MCF2L2: variants seen among roughly 807,000 people sequenced by gnomAD.
The protein encoded by MCF2L2 is MCF.2 cell line derived transforming sequence-like 2.
MCF2L2 carries 102 observed loss-of-function variants against 150.2 expected under a neutral mutation model. That is an observed-to-expected ratio of 0.68 (90% CI 0.58 to 0.80). The LOEUF (loss-of-function observed/expected upper bound fraction) is 0.80, where lower values mean the gene tolerates loss of function less well. MCF2L2 is among the 30% of genes least tolerant of loss of function. The probability of loss-of-function intolerance (pLI) is 0.00; values close to 1 mark genes in which losing one functional copy is unlikely to be tolerated. For missense variants in MCF2L2, 1,256 were observed against 1,372.8 expected (o/e 0.91, Z 1.34); for synonymous variants, 465 against 491.3 (o/e 0.95, Z 0.71).
At chr3:183,295,864 A>G (rs914650645) in intron 12 of MCF2L2, among the ~76,000 whole-genome samples, 1 of 152,162 alleles carries the variant, frequency 6.6e-6, no homozygotes, top group African/African-American at 2.4e-5. Context: ...AAGCTGAGGC[A>G]GGAGAATCGC....
intron 3 of MCF2L2, among the ~76,000 whole-genome samples, chr3:183,352,501 C>A (rs1454513985): frequency 2.6e-5 from 4 of 151,966 alleles, no homozygotes; most frequent in Non-Finnish European, 1.5e-5. Flanking sequence ...CCGGCCTGGG[C>A]GATAGAGAGA....
In MCF2L2 at chr3:183,205,959, A is replaced by G; in HGVS notation, c.2806-5T>C. 1 of 1,612,560 alleles carries G rather than the reference A, an allele frequency of 6.2e-7. No individual in the cohort carries two copies. The highest frequency in any genetic ancestry group is 8.5e-7 in the Non-Finnish European group (1 of 1,178,552). On this transcript the variant is annotated splice_polypyrimidine_tract_variant and splice_region_variant and intron_variant, in intron 24 of 29. Transcript: ENST00000328913. ...TCTGATTTCTTTTGAAGCTGCCTGC[A>G]ATCACACATAAGAAAACACTATAAG...
intron 3 of MCF2L2, chr3:183,375,174 C>T (rs1432808048): frequency 1.3e-5 from 2 of 152,158 alleles, no homozygotes; most frequent in African/African-American, 4.8e-5. Flanking sequence ...TCTGCCCATC[C>T]GCACATAGGC....
At chr3:183,347,708 GA>G (rs1208996087) in intron 3 of MCF2L2, among the ~76,000 whole-genome samples, 1 of 151,820 alleles carries the variant, frequency 6.6e-6, no homozygotes, top group Non-Finnish European at 1.5e-5. Flanking sequence ...AAATTTACCA[GA>G]AAAAAACAAC....
At chr3:183,404,481 T>C (rs1019610752) in intron 1 of MCF2L2, among the ~76,000 whole-genome samples, 9 of 152,208 alleles carry the variant, frequency 5.9e-5, no homozygotes, top group South Asian at 2.1e-4. Context: ...TGGGTGTAAG[T>C]TTCCCAGAAG....
chr3:183,209,559 G>C (rs907568139), intron 22 of MCF2L2, among the ~76,000 whole-genome samples: 4 of 152,084 alleles, frequency 2.6e-5, no homozygotes, highest in Non-Finnish European at 4.4e-5. Flanking sequence ...CACGACCTTG[G>C]CTCACCGCAA....
chr3:183,403,911 C>A (rs992021555), intron 1 of MCF2L2, among the ~76,000 whole-genome samples: 2 of 151,682 alleles, frequency 1.3e-5, no homozygotes, highest in African/African-American at 4.8e-5. Flanking sequence ...TTGAAACGGA[C>A]AGGGGGAAGA....
At chr3:183,250,029 C>G (rs1488787708) in intron 15 of MCF2L2, among the ~76,000 whole-genome samples, 7 of 152,042 alleles carry the variant, frequency 4.6e-5, no homozygotes, top group Admixed American at 4.6e-4. Flanking sequence ...AACTTTTTTC[C>G]CCTCCCCACA....
chr3:183,196,148 C>G (rs895054332), intron 25 of MCF2L2, among the ~76,000 whole-genome samples: 9 of 152,172 alleles, frequency 5.9e-5, no homozygotes, highest in Admixed American at 5.9e-4. Context: ...GTGTCTCACC[C>G]ATCAGTGATG....
At chr3:183,401,712 A>T (rs1714766875) in intron 1 of MCF2L2, among the ~76,000 whole-genome samples, 1 of 152,220 alleles carries the variant, frequency 6.6e-6, no homozygotes, top group Non-Finnish European at 1.5e-5. Context: ...TTTTGTGTCT[A>T]GCTTCTCTCA....
At chr3:183,347,470 C>T (rs1730945826) in intron 3 of MCF2L2, among the ~76,000 whole-genome samples, 1 of 152,186 alleles carries the variant, frequency 6.6e-6, no homozygotes, top group Non-Finnish European at 1.5e-5. Context: ...AAAACTTAGG[C>T]AATACCATTC....
At chr3:183,341,925 T>C (rs1255162881) in intron 3 of MCF2L2, among the ~76,000 whole-genome samples, 1 of 152,220 alleles carries the variant, frequency 6.6e-6, no homozygotes, top group South Asian at 2.1e-4. Flanking sequence ...GAGCATCACA[T>C]ATTCCCAATG....
intron 14 of MCF2L2, among the ~76,000 whole-genome samples, chr3:183,279,160 C>T (rs1031135446): frequency 6.6e-6 from 1 of 152,080 alleles, no homozygotes; most frequent in Non-Finnish European, 1.5e-5. Flanking sequence ...GTACATAACA[C>T]ACACACACAC....
intron 20 of MCF2L2, among the ~76,000 whole-genome samples, chr3:183,222,142 A>G (rs1723170742): frequency 6.6e-6 from 1 of 152,160 alleles, no homozygotes; most frequent in African/African-American, 2.4e-5. Flanking sequence ...TGCTGGGACT[A>G]CAGGTGTGTG....
At chr3:183,228,941 C>A (rs547933041) in intron 17 of MCF2L2, among the ~76,000 whole-genome samples, 30 of 152,108 alleles carry the variant, frequency 2.0e-4, no homozygotes, top group African/African-American at 7.0e-4. Context: ...ACCTGGGGCT[C>A]AAAGAGGCTA....
At chr3:183,344,874 A>G (rs1320155993) in intron 3 of MCF2L2, among the ~76,000 whole-genome samples, 1 of 152,204 alleles carries the variant, frequency 6.6e-6, no homozygotes, top group African/African-American at 2.4e-5. Flanking sequence ...AAGAAAAGCT[A>G]AGTATCCTAA....
intron 1 of MCF2L2, among the ~76,000 whole-genome samples, chr3:183,395,427 T>C (rs1577120723): frequency 6.6e-6 from 1 of 152,228 alleles, no homozygotes; most frequent in East Asian, 1.9e-4. Flanking sequence ...GAAACAGTTG[T>C]GTTAAAGTGA....
intron 5 of MCF2L2, among the ~76,000 whole-genome samples, chr3:183,324,144 TGGTGCGCCCCG>T: frequency 6.6e-6 from 1 of 152,334 alleles, no homozygotes; most frequent in South Asian, 2.1e-4. Context: ...CTCACTACAC[TGGTGCGCCCCG>T]ATGAAGAATA....
At chr3:183,200,522 A>C (rs1167157753) in intron 25 of MCF2L2, among the ~76,000 whole-genome samples, 1 of 152,190 alleles carries the variant, frequency 6.6e-6, no homozygotes, top group Non-Finnish European at 1.5e-5. Context: ...TCTGGATATT[A>C]GCCCTTTGTC....
Sources: gnomAD v4.1 joint callset for allele counts (sites outside exome capture counted in the v4.1 genomes callset) on GRCh38, gnomAD v4.1.1 for gene constraint, MANE v1.5 for transcripts, NCBI Gene and HGNC (gene_info 2026-07-23, HGNC 2026-07-21) for gene names.